IQSEC3: variants seen among roughly 807,000 people sequenced by gnomAD.
The protein encoded by IQSEC3 is IQ motif and SEC7 domain-containing protein 3.
IQSEC3 carries 50 observed loss-of-function variants against 105.4 expected under a neutral mutation model. The observed-to-expected ratio is 0.47, with a 90% CI of 0.38 to 0.60. The LOEUF is 0.60. Ranked by LOEUF, IQSEC3 falls within the 20% of genes least tolerant of loss-of-function variation. IQSEC3 has a pLI of 0.00. For missense variants in IQSEC3, 1,415 were observed against 1,630.0 expected, an observed-to-expected ratio of 0.87 and a Z score of 2.27; for synonymous variants, 708 against 746.0, an observed-to-expected ratio of 0.95 and a Z score of 0.83.
chr12:100,346 C>T (rs1045589709), intron 2 of IQSEC3, among the ~76,000 whole-genome samples: 10 of 152,190 alleles, frequency 6.6e-5, no homozygotes, highest in South Asian at 2.1e-4. Flanking sequence ...CTTAGGGCGC[C>T]GGACTCCTCA....
At chr12:101,653 A>T (rs1864426020) in intron 2 of IQSEC3, among the ~76,000 whole-genome samples, 1 of 152,036 alleles carries the variant, frequency 6.6e-6, no homozygotes, top group Non-Finnish European at 1.5e-5. Flanking sequence ...CAGTTACTCC[A>T]AGTTGTCCTG....
chr12:99,324 G>T (rs1171231402), intron 2 of IQSEC3, 110 bp downstream of exon 2: 4 of 999,434 alleles, frequency 4.0e-6, no homozygotes, highest in Middle Eastern at 2.1e-4. Flanking sequence ...AGTCTCATGT[G>T]GGGTAATTTG....
chr12:108,595 G>C (rs1864762799), intron 2 of IQSEC3, among the ~76,000 whole-genome samples: 1 of 152,216 alleles, frequency 6.6e-6, no homozygotes, highest in Non-Finnish European at 1.5e-5. Flanking sequence ...GTTATGGTCT[G>C]ATACCTGCTT....
Position 138,945 on chromosome 12 carries a change from G to A in IQSEC3, c.1582G>A (p.Glu528Lys), listed in dbSNP as rs1390976593. The A allele has an allele frequency of 1.3e-6, 2 of 1,577,964 alleles. No homozygotes were observed. Among genetic ancestry groups the A allele is most frequent in the Non-Finnish European group, 8.6e-7 (1 of 1,163,332 alleles). ...APAEPAAGKAEQGETSGREAP... is the reference protein window; with the variant it reads ...APAEPAAGKAKQGETSGREAP... ...CGCAGAGCCCGCGGCGGGCAAGGCC[G>A]AGCAGGGCGAGACCTCTGGGCGGGA... is the stretch of plus-strand genomic sequence containing the variant. The change falls in exon 4 of 14, where the codon GAG becomes AAG. Residue 528 changes from glutamate to lysine, a missense_variant. This residue lies in a region of IQSEC3 where 720 missense variants were observed against 633.0 expected (regional missense o/e 1.14). Coordinates refer to ENST00000538872, the MANE Select transcript of IQSEC3 (RefSeq NM_001170738.2). The surrounding 1 kb of genome is among the most constrained non-coding windows in gnomAD (Gnocchi z 7.1).
chr12:124,282 G>A (rs905887966), intron 2 of IQSEC3, among the ~76,000 whole-genome samples: 2 of 151,736 alleles, frequency 1.3e-5, no homozygotes, highest in East Asian at 1.9e-4. Flanking sequence ...CCAGCCACTC[G>A]GGAAGCTGAG....
At chr12:86,133 C>T (rs547853826) in intron 1 of IQSEC3, among the ~76,000 whole-genome samples, 3 of 152,186 alleles carry the variant, frequency 2.0e-5, no homozygotes, top group Admixed American at 6.5e-5. Context: ...ATAGATGTTG[C>T]ATTCCACTAA....
chr12:76,674 G>C (rs1428235691), intron 1 of IQSEC3, among the ~76,000 whole-genome samples: 1 of 152,268 alleles, frequency 6.6e-6, no homozygotes, highest in Non-Finnish European at 1.5e-5. Context: ...CGGGAGACCA[G>C]GCCCCAGAGG....
In IQSEC3 at chr12:175,746, G is replaced by A. The variant is rs994408423; in HGVS notation, c.*713G>A. ...GGGGAGCACTTTCGGCTTTCTATAG[G>A]TCAGTCCAGCAGGGCCACGGGATCG... On this transcript the variant is annotated 3_prime_UTR_variant, in exon 14 of 14. Coordinates refer to ENST00000538872, the MANE Select transcript of IQSEC3 (RefSeq NM_001170738.2). 3.3e-5 allele frequency: 5 copies of A among 152,280 alleles called. No homozygotes were observed. Among genetic ancestry groups the A allele is most frequent in the African/African-American group, 1.2e-4 (5 of 41,450 alleles). 9.4% of individuals were successfully genotyped at this position (152,280 alleles called of 1,614,324 possible). A position where few individuals can be genotyped will look rare whatever the true frequency, so the allele number is the denominator to read the frequency against.
At chr12:90,444 G>A (rs575055213) in intron 1 of IQSEC3, among the ~76,000 whole-genome samples, 20 of 152,214 alleles carry the variant, frequency 1.3e-4, no homozygotes, top group African/African-American at 4.3e-4. Flanking sequence ...TTTTCTTTGA[G>A]ATGTGTTATG....
At chr12:154,233 G>A (rs923715441) in intron 5 of IQSEC3, among the ~76,000 whole-genome samples, 6 of 152,188 alleles carry the variant, frequency 3.9e-5, no homozygotes, top group Admixed American at 2.6e-4. Flanking sequence ...GTGAGTGAAC[G>A]GCTGCTTGTC....
At chr12:148,845 C>T (rs1355947117) in intron 5 of IQSEC3, 7 of 152,064 alleles carry the variant, frequency 4.6e-5, no homozygotes, top group East Asian at 3.8e-4. Context: ...TCCAGATCTT[C>T]GCCGTCTCTT....
chr12:157,216 G>A lies in IQSEC3; in HGVS notation c.2276+69G>A, dbSNP rs1489812692. Reference sequence around the variant, plus strand: ...GGGGAAGCCGGGCCGCTGTGAGCCTGGGAGACAGGAGATGCTATCAGGAGG... The same window carrying A: ...GGGGAAGCCGGGCCGCTGTGAGCCTAGGAGACAGGAGATGCTATCAGGAGG... On this transcript the variant is annotated intron_variant, in intron 6 of 13. Transcript: ENST00000538872. 8.2e-6 allele frequency: 12 copies of A among 1,456,918 alleles called. No individual in the cohort carries two copies. The Admixed American group carries it at 1.8e-4, about 22-fold the overall frequency. 90.2% of individuals were successfully genotyped at this position (1,456,918 alleles called of 1,614,324 possible).
intron 2 of IQSEC3, among the ~76,000 whole-genome samples, chr12:118,486 A>T (rs1555081137): frequency 6.6e-6 from 1 of 152,146 alleles, no homozygotes. Context: ...GCTTTGTCCC[A>T]GAAGAGCTTT....
chr12:148,472 C>T (rs1198921485), intron 5 of IQSEC3: 1 of 152,188 alleles, frequency 6.6e-6, no homozygotes, highest in Non-Finnish European at 1.5e-5. Flanking sequence ...TCTTTGGGTA[C>T]CTGAGTCTCA....
intron 2 of IQSEC3, 74 bp downstream of exon 2, chr12:99,288 A>T: frequency 2.9e-6 from 4 of 1,364,166 alleles, no homozygotes; most frequent in Non-Finnish European, 4.0e-6. Flanking sequence ...GTACCACTGC[A>T]CTAGCTATTG....
chr12:128,514 G>A (rs1314165944), intron 3 of IQSEC3, among the ~76,000 whole-genome samples: 1 of 148,374 alleles, frequency 6.7e-6, no homozygotes, highest in Non-Finnish European at 1.5e-5. Flanking sequence ...CATGGCCTGG[G>A]AGGGGTGTTG....
At chr12:113,089 A>C (rs879960815) in intron 2 of IQSEC3, among the ~76,000 whole-genome samples, 2 of 152,040 alleles carry the variant, frequency 1.3e-5, no homozygotes, top group Non-Finnish European at 2.9e-5. Flanking sequence ...CACGGGGAAC[A>C]GCCTGGCCCC....
chr12:109,240 G>A (rs1433819567), intron 2 of IQSEC3, among the ~76,000 whole-genome samples: 8 of 152,216 alleles, frequency 5.3e-5, no homozygotes, highest in Non-Finnish European at 1.5e-5. Context: ...TGGCAACACA[G>A]GGCTGGCACT....
chr12:126,251 G>A (rs568344157), intron 3 of IQSEC3, among the ~76,000 whole-genome samples: 1 of 152,224 alleles, frequency 6.6e-6, no homozygotes, highest in Non-Finnish European at 1.5e-5. Context: ...ACCTCCATCT[G>A]CTGCTTAGAG....
Sources: gnomAD v4.1 joint callset for allele counts (sites outside exome capture counted in the v4.1 genomes callset) on GRCh38, gnomAD v4.1.1 for gene constraint, gnomAD v4.1.1 regional missense constraint, Gnocchi (gnomAD v3.1) non-coding constraint, MANE v1.5 for transcripts, NCBI Gene and HGNC (gene_info 2026-07-23, HGNC 2026-07-21) for gene names.